The following PLEKHG1 variants were observed in gnomAD, a reference collection of about 807,000 sequenced individuals.
PLEKHG1 encodes pleckstrin homology domain-containing family G member 1.
In PLEKHG1, 44 loss-of-function variants were observed where a neutral mutation model predicts 100.8. The observed-to-expected ratio is 0.44, with a 90% CI of 0.34 to 0.56. PLEKHG1 has a LOEUF of 0.56. Ranked by LOEUF, PLEKHG1 falls within the 20% of genes least tolerant of loss-of-function variation. The pLI, the probability that PLEKHG1 is intolerant of heterozygous loss-of-function variation, is 0.01. For synonymous variants in PLEKHG1, 640 were observed against 662.5 expected (o/e 0.97, Z 0.52); for missense variants, 1,545 against 1,720.9 (o/e 0.90, Z 1.81).
At chr6:150,651,483 C>T (rs1778731439) in intron 3 of PLEKHG1, among the ~76,000 whole-genome samples, 1 of 152,156 alleles carries the variant, frequency 6.6e-6, no homozygotes, top group African/African-American at 2.4e-5. Flanking sequence ...AGCCATCCAC[C>T]TCGGCCACCT....
intron 4 of PLEKHG1, 146 bp from the exon 6 acceptor site, chr6:150,795,709 CA>C (rs1334354750): frequency 1.4e-5 from 5 of 345,468 alleles, no homozygotes; most frequent in Non-Finnish European, 2.5e-5. Flanking sequence ...CCAACAAGAG[CA>C]AAACTCCGCC....
chr6:150,733,784 G>A (rs1782413076), exon 2 of PLEKHG1: 3 of 1,614,190 alleles, frequency 1.9e-6, no homozygotes, highest in Non-Finnish European at 2.5e-6. Context: ...AATGACCTTA[G>A]TTTCAAATAG....
Position 150,661,726 on chromosome 6 carries a change from C to T in PLEKHG1, c.-99+10940C>T, listed in dbSNP as rs575934961. 1.1e-4 allele frequency among the ~76,000 whole-genome samples: 16 copies of T among 152,220 alleles called. No homozygotes were observed. The East Asian group carries it at 2.9e-3, about 28-fold the overall frequency. ...ATCTTGATATTAGAGTTTAGAGATA[C>T]GCCTATTAGCTGTGAAACTATAGTG... On this transcript the variant is annotated intron_variant, in intron 3 of 3. Transcript: ENST00000367326.
chr6:150,683,691 C>A lies in PLEKHG1; in HGVS notation c.-99+32905C>A. 1.2e-6 allele frequency: 1 copy of A among 820,302 alleles called. No individual in the cohort carries two copies. Among genetic ancestry groups the A allele is most frequent in the Non-Finnish European group, 1.7e-6 (1 of 590,036 alleles). 50.8% of individuals were successfully genotyped at this position (820,302 alleles called of 1,614,324 possible). ...TGACAGAGTGTTCAATGATGCTGTT[C>A]AACTTGAACCCTGAGTTGACACACG... On this transcript the variant is annotated intron_variant, in intron 3 of 3. Transcript: ENST00000367326. This position sits in a 1 kb window ranked among gnomAD's most constrained non-coding sequence, Gnocchi z 4.0.
intron 1 of PLEKHG1, among the ~76,000 whole-genome samples, chr6:150,636,820 A>G (rs911843214): frequency 6.6e-6 from 1 of 152,212 alleles, no homozygotes; most frequent in Non-Finnish European, 1.5e-5. Context: ...AAATATAAAA[A>G]ACTTATTCCT....
chr6:150,827,504 G>A (rs1221158749), intron 14 of PLEKHG1, among the ~76,000 whole-genome samples: 1 of 151,984 alleles, frequency 6.6e-6, no homozygotes, highest in African/African-American at 2.4e-5. Flanking sequence ...TCGAACTCCC[G>A]ACCTCAGGTG....
At chr6:150,668,684 C>T (rs1389759956) in intron 3 of PLEKHG1, among the ~76,000 whole-genome samples, 2 of 152,092 alleles carry the variant, frequency 1.3e-5, no homozygotes, top group Admixed American at 6.5e-5. Flanking sequence ...ACTTTAAAAC[C>T]GGAATGCTTT....
At chr6:150,719,995 T>C (rs1267315873), upstream of PLEKHG1, among the ~76,000 whole-genome samples, 1 of 152,252 alleles carries the variant, frequency 6.6e-6, no homozygotes, top group Non-Finnish European at 1.5e-5. Context: ...AATCACTTAA[T>C]AGGCATGACA....
chr6:150,697,599 G>C (rs986741911), intron 3 of PLEKHG1, among the ~76,000 whole-genome samples: 1 of 152,192 alleles, frequency 6.6e-6, no homozygotes, highest in African/African-American at 2.4e-5. Context: ...CCAGAAGTTT[G>C]GTTGGTCATT....
chr6:150,809,566 A>C (rs912802880), intron 9 of PLEKHG1, 82 bp from the exon 11 acceptor site: 6 of 1,489,720 alleles, frequency 4.0e-6, no homozygotes, highest in South Asian at 1.1e-5. Context: ...CGTTCTGGCC[A>C]CATGGTCATT....
intron 3 of PLEKHG1, among the ~76,000 whole-genome samples, chr6:150,777,144 T>A (rs1355308115): frequency 6.7e-6 from 1 of 150,116 alleles, no homozygotes; most frequent in East Asian, 2.0e-4. Context: ...CATGTGCAGT[T>A]GCACATTACT....
chr6:150,642,913 T>C (rs938827298), intron 2 of PLEKHG1, among the ~76,000 whole-genome samples: 1 of 152,166 alleles, frequency 6.6e-6, no homozygotes, highest in South Asian at 2.1e-4. Flanking sequence ...CCTGTAATAG[T>C]AGCGGTACTT....
At chr6:150,711,354 A>G (rs899337234) in intron 3 of PLEKHG1, among the ~76,000 whole-genome samples, 2 of 152,200 alleles carry the variant, frequency 1.3e-5, no homozygotes, top group African/African-American at 4.8e-5. Flanking sequence ...TAGGTATTCC[A>G]TCAGTAGTTG....
chr6:150,768,955 A>G (rs1286376021), intron 3 of PLEKHG1, among the ~76,000 whole-genome samples: 1 of 152,152 alleles, frequency 6.6e-6, no homozygotes, highest in Non-Finnish European at 1.5e-5. Flanking sequence ...CCTGGCTCAG[A>G]GAAGAAACCT....
In PLEKHG1 at chr6:150,714,223, G is replaced by A. The variant is rs531645582; in HGVS notation, c.-98-19361G>A. 3.3e-5 allele frequency among the ~76,000 whole-genome samples: 5 copies of A among 152,304 alleles called. No individual in the cohort carries two copies. In the East Asian group the frequency reaches 9.7e-4, roughly 29 times the overall value. On this transcript the variant is annotated intron_variant, in intron 3 of 3. Transcript: ENST00000367326. ...TTAGAGATGGGACTGATAGATTATC[G>A]AAAGCAAGAGGCTTTTTGCAACATA...
chr6:150,642,704 TGGTG>T (rs553603254), intron 2 of PLEKHG1, among the ~76,000 whole-genome samples: 21 of 152,364 alleles, frequency 1.4e-4, no homozygotes, highest in Middle Eastern at 3.4e-3. Context: ...GGTATGCTGT[TGGTG>T]CTCAAATGTT....
Position 150,797,695 on chromosome 6 carries a change from C to T in PLEKHG1, c.629+1793C>T, listed in dbSNP as rs993889513. 5.4e-4 allele frequency among the ~76,000 whole-genome samples: 81 copies of T among 151,038 alleles called. 1 individual carries two copies. The highest frequency in any genetic ancestry group is 1.6e-4 in the Non-Finnish European group (11 of 67,842). ...ACTAAAAATACAAAAATTAGTCAGA[C>T]GTGGTGGCACATCCCTGTAATCCCA... On this transcript the variant is annotated intron_variant, in intron 5 of 15. Coordinates refer to ENST00000358517, the Ensembl canonical transcript of PLEKHG1.
In PLEKHG1 at chr6:150,814,502, T is replaced by G. The variant is rs555839853; in HGVS notation, c.1279-3681T>G. On this transcript the variant is annotated intron_variant, in intron 10 of 15. Coordinates refer to ENST00000358517, the Ensembl canonical transcript of PLEKHG1. ...GAGCATACACACTGTGCTGAGTACT[T>G]TATATTCTTATTTCACCCTCACCAA... 3.9e-5 allele frequency among the ~76,000 whole-genome samples: 6 copies of G among 152,320 alleles called. No individual in the cohort carries two copies. The South Asian group carries it at 1.2e-3, about 32-fold the overall frequency.
chr6:150,712,675 A>G (rs1252886489), intron 3 of PLEKHG1, among the ~76,000 whole-genome samples: 1 of 152,116 alleles, frequency 6.6e-6, no homozygotes, highest in African/African-American at 2.4e-5. Flanking sequence ...TACTTCATGT[A>G]CCTCTGTGGG....
Sources: allele counts gnomAD v4.1 joint callset (sites outside exome capture counted in the v4.1 genomes callset), GRCh38; gene constraint gnomAD v4.1.1; non-coding constraint Gnocchi (gnomAD v3.1); transcripts MANE v1.5; gene names NCBI Gene and HGNC (gene_info 2026-07-23, HGNC 2026-07-21).